ADGRG3: variants seen among roughly 807,000 people sequenced by gnomAD.
ADGRG3 encodes adhesion G protein-coupled receptor G3, also known as G protein-coupled receptor 97.
ADGRG3 carries 39 observed loss-of-function variants against 54.3 expected under a neutral mutation model. The ratio of observed to expected loss-of-function variants is 0.72; its 90% CI spans 0.56 to 0.94. The LOEUF (loss-of-function observed/expected upper bound fraction) is 0.94, where lower values mean the gene tolerates loss of function less well. Among genes scored for constraint, ADGRG3 ranks in the 40% least tolerant of loss-of-function variants. The pLI is 0.00. For synonymous variants in ADGRG3, 312 were observed against 290.0 expected, an observed-to-expected ratio of 1.08 and a Z score of -0.77; for missense variants, 654 against 694.6, an observed-to-expected ratio of 0.94 and a Z score of 0.66.
rs1289126159 is a variant in ADGRG3, at chr16:57,668,423, C to T, written c.58+18C>T. On this transcript the variant is annotated intron_variant, in intron 1 of 11. Transcript: ENST00000333493. ...GACCTCAGGTGAGTGGCTGGCACCT[C>T]ATCCCCTCCTGCCACGCTGGGCCGA... 6.4e-7 allele frequency: 1 copy of T among 1,557,190 alleles called. No individual in the cohort carries two copies. Among genetic ancestry groups the T allele is most frequent in the South Asian group, 1.2e-5 (1 of 85,642 alleles).
chr16:57,684,376 C>T lies in ADGRG3; in HGVS notation c.1163-14C>T. The T allele has an allele frequency of 6.2e-7, 1 of 1,609,314 alleles. No homozygotes were observed. The highest frequency in any genetic ancestry group is 8.5e-7 in the Non-Finnish European group (1 of 1,176,078). Reference sequence around the variant, plus strand: ...AAGCCCCAGTGGTGTCATGCCATTTCCCCTTGTGCCCAGGCCTGCCCGCCC... The same window carrying T: ...AAGCCCCAGTGGTGTCATGCCATTTTCCCTTGTGCCCAGGCCTGCCCGCCC... On this transcript the variant is annotated splice_polypyrimidine_tract_variant and intron_variant, in intron 9 of 11. Transcript: ENST00000333493.
At chr16:57,680,673 A>G in intron 8 of ADGRG3, 56 bp downstream of exon 8, 1 of 1,233,012 alleles carries the variant, frequency 8.1e-7, no homozygotes, top group Non-Finnish European at 1.2e-6. Context: ...GGGAGGCAGC[A>G]GGGCAGGGTG....
chr16:57,685,609 C>T (rs1186521405), intron 10 of ADGRG3, 34 bp from the exon 11 acceptor site: 1 of 1,607,708 alleles, frequency 6.2e-7, no homozygotes, highest in African/African-American at 1.3e-5. Context: ...AGAGGTACCA[C>T]TCCCAGTCCC....
chr16:57,682,658 G>C (rs886622586), intron 8 of ADGRG3: 1 of 984,620 alleles, frequency 1.0e-6, no homozygotes, highest in East Asian at 1.1e-4. Flanking sequence ...TGCTCCTCCA[G>C]GAAGCCCCCG....
At chr16:57,678,468 C>A in intron 4 of ADGRG3, 152 bp downstream of exon 4, 1 of 674,512 alleles carries the variant, frequency 1.5e-6, no homozygotes, top group Non-Finnish European at 2.6e-6. Context: ...GTGGCCATCT[C>A]AGACACCTGT....
rs564983637 is a variant in ADGRG3, at chr16:57,684,121, C to A, written c.1071C>A (p.Gly357=). 48 of 1,613,924 alleles carry A rather than the reference C, an allele frequency of 3.0e-5. No homozygotes were observed. The highest frequency in any genetic ancestry group is 2.4e-4 in the South Asian group (22 of 91,088). Residue 357 remains glycine, a synonymous_variant, in exon 9 of 12, where the codon GGC becomes GGA. Coordinates refer to ENST00000333493, the MANE Select transcript of ADGRG3 (RefSeq NM_170776.5). ...YFLLCAFTWM[G]LEAFHLYLLA... The stretch of plus-strand genomic sequence containing the variant: ...TGCTCTGTGCCTTCACCTGGATGGG[C>A]CTTGAAGCCTTCCACCTCTACCTGC...
intron 1 of ADGRG3, among the ~76,000 whole-genome samples, chr16:57,672,212 T>C (rs1484030822): frequency 6.6e-6 from 1 of 151,684 alleles, no homozygotes; most frequent in Non-Finnish European, 1.5e-5. Context: ...TGTTAAGTGA[T>C]CTTATTTGTG....
In ADGRG3 at chr16:57,685,678, T is replaced by C. The variant is rs1380011559; in HGVS notation, c.1292T>C (p.Leu431Pro). The change falls in exon 11 of 12, where the codon CTC becomes CCC. Residue 431 changes from leucine to proline, a missense_variant. Leu to Pro is a moderately conservative substitution (Grantham distance 98, BLOSUM62 -3). Coordinates refer to ENST00000333493, the MANE Select transcript of ADGRG3 (RefSeq NM_170776.5). ...CGTGAAGGGACAACCATGTACGCCC[T>C]CTATATCACCGTCCACGGCTACTTC... ...WFREGTTMYA[L>P]YITVHGYFLI... The C allele has an allele frequency of 1.9e-6, 3 of 1,614,044 alleles. No homozygotes were observed. Among genetic ancestry groups the C allele is most frequent in the Admixed American group, 1.7e-5 (1 of 59,994 alleles).
At chr16:57,676,449 C>T in intron 3 of ADGRG3, 111 bp downstream of exon 3, 2 of 994,456 alleles carry the variant, frequency 2.0e-6, no homozygotes, top group Non-Finnish European at 3.0e-6. Context: ...CTTGTCCCTC[C>T]CCCACGTCCC....
At chr16:57,675,636 A>C (rs1488338989) in intron 2 of ADGRG3, among the ~76,000 whole-genome samples, 1 of 152,230 alleles carries the variant, frequency 6.6e-6, no homozygotes, top group Non-Finnish European at 1.5e-5. Context: ...CTCAAAAATA[A>C]AATAAAATGG....
Position 57,679,155 on chromosome 16 carries a change from T to C in ADGRG3, c.493-22T>C, listed in dbSNP as rs372658591. 1.1e-5 allele frequency: 18 copies of C among 1,612,824 alleles called. No individual in the cohort carries two copies. The African/African-American group carries it at 2.3e-4, about 20-fold the overall frequency. On this transcript the variant is annotated intron_variant, in intron 4 of 11. Transcript: ENST00000333493. ...GGATGGCCCCTTCTGCAGCCTGGCC[T>C]CCCCGATCTCCCCTTTCACAGGGCC...
At chr16:57,669,023 G>A (rs755157398) in intron 1 of ADGRG3, among the ~76,000 whole-genome samples, 1 of 152,190 alleles carries the variant, frequency 6.6e-6, no homozygotes, top group African/African-American at 2.4e-5. Context: ...GCCTTTGCTG[G>A]CCTCTCTCCC....
intron 1 of ADGRG3, among the ~76,000 whole-genome samples, chr16:57,671,332 G>GTTTT (rs60592653): frequency 2.3e-4 from 20 of 86,352 alleles, no homozygotes; most frequent in Non-Finnish European, 2.6e-4. Flanking sequence ...TAGAATAGGA[G>GTTTT]TTTTTTTTTT....
intron 8 of ADGRG3, among the ~76,000 whole-genome samples, chr16:57,681,599 G>C (rs1284215029): frequency 6.6e-6 from 1 of 151,746 alleles, no homozygotes; most frequent in South Asian, 2.1e-4. Context: ...GGTGGTGCGC[G>C]CCTGTAATCC....
intron 2 of ADGRG3, among the ~76,000 whole-genome samples, chr16:57,675,665 A>G (rs1254036789): frequency 6.6e-6 from 1 of 152,224 alleles, no homozygotes; most frequent in Non-Finnish European, 1.5e-5. Flanking sequence ...TACATGCTAC[A>G]ACATAGATGA....
chr16:57,678,083 T>C, intron 3 of ADGRG3, 87 bp from the exon 4 acceptor site: 1 of 1,538,602 alleles, frequency 6.5e-7, no homozygotes. Context: ...CTACCCAGTG[T>C]GCCTGCTTCC....
intron 5 of ADGRG3, 123 bp downstream of exon 5, chr16:57,679,434 G>A (rs1375830346): frequency 7.1e-6 from 8 of 1,127,948 alleles, no homozygotes; most frequent in Non-Finnish European, 1.0e-5. Flanking sequence ...AGTCGCCCAG[G>A]AGGAGCCATT....
At chr16:57,684,317 C>T (rs2048431270) in intron 9 of ADGRG3, 73 bp from the exon 10 acceptor site, 3 of 1,558,434 alleles carry the variant, frequency 1.9e-6, no homozygotes, top group Non-Finnish European at 2.6e-6. Flanking sequence ...GAGGGATGGC[C>T]ATCTGGAGGG....
chr16:57,679,763 C>T (rs1419280018), intron 5 of ADGRG3, 53 bp from the exon 6 acceptor site: 10 of 1,447,418 alleles, frequency 6.9e-6, no homozygotes, highest in Non-Finnish European at 7.8e-6. Flanking sequence ...CTTCCCCTGC[C>T]CTCCCCCAAA....
Sources: allele counts gnomAD v4.1 joint callset (sites outside exome capture counted in the v4.1 genomes callset), GRCh38; gene constraint gnomAD v4.1.1; transcripts MANE v1.5; gene names NCBI Gene and HGNC (gene_info 2026-07-23, HGNC 2026-07-21).